The following RBFOX1 variants were observed in gnomAD, a reference collection of about 807,000 sequenced individuals.
RBFOX1 encodes the protein RNA binding protein fox-1 homolog 1.
In RBFOX1, 8 loss-of-function variants were observed where a neutral mutation model predicts 57.7. The observed-to-expected ratio is 0.14, with a 90% CI of 0.08 to 0.25. RBFOX1 has a LOEUF of 0.25. Ranked by LOEUF, RBFOX1 falls within the 10% of genes least tolerant of loss-of-function variation. The pLI is 1.00. For missense variants in RBFOX1, 611 were observed against 548.5 expected, an observed-to-expected ratio of 1.11 and a Z score of -1.14; for synonymous variants, 326 against 222.4, an observed-to-expected ratio of 1.47 and a Z score of -4.15.
At chr16:6,858,174 G>C (rs987826241) in intron 3 of RBFOX1, among the ~76,000 whole-genome samples, 6 of 152,184 alleles carry the variant, frequency 3.9e-5, no homozygotes, top group African/African-American at 1.4e-4. Flanking sequence ...GGAAGAAATA[G>C]CTCACTCATA....
At chr16:6,252,646 A>G (rs1165171562) in intron 1 of RBFOX1, among the ~76,000 whole-genome samples, 1 of 144,112 alleles carries the variant, frequency 6.9e-6, no homozygotes, top group African/African-American at 2.5e-5. Context: ...TTTTTGGTAA[A>G]CTTCCATTCA....
rs2096345386 is a variant in RBFOX1 at position 7,312,741 on chromosome 16, G to A, written c.28-205406G>A. Among the ~76,000 whole-genome samples, 7 of 152,212 alleles carry A rather than the reference G, an allele frequency of 4.6e-5. No individual in the cohort carries two copies. In the South Asian group the frequency reaches 1.4e-3, roughly 32 times the overall value. ...GCGAAGTTATTTACTTTCAAAAGCT[G>A]ACAGAATCACACTGCAGGGCCTTCA... On this transcript the variant is annotated intron_variant, in intron 4 of 15. Coordinates refer to ENST00000550418, the MANE Select transcript of RBFOX1 (RefSeq NM_018723.4).
At chr16:5,430,103 T>G (rs1036466230) in intron 1 of RBFOX1, among the ~76,000 whole-genome samples, 2 of 152,200 alleles carry the variant, frequency 1.3e-5, no homozygotes, top group Non-Finnish European at 2.9e-5. Context: ...CTCTGACAAA[T>G]TCTCCACTGA....
intron 4 of RBFOX1, among the ~76,000 whole-genome samples, chr16:7,248,717 A>G (rs1366976555): frequency 6.6e-6 from 1 of 152,202 alleles, no homozygotes; most frequent in Non-Finnish European, 1.5e-5. Context: ...CATGTTATTC[A>G]TCATCCAGAG....
intron 2 of RBFOX1, among the ~76,000 whole-genome samples, chr16:6,478,579 C>T (rs952227721): frequency 4.0e-5 from 6 of 150,954 alleles, no homozygotes; most frequent in Non-Finnish European, 7.4e-5. Context: ...AAAGTGTCTT[C>T]GTCATGAAGC....
At position 5,946,160 on chromosome 16, in the gene RBFOX1, G is replaced by C. The variant is rs2059396016; in HGVS notation, c.351+78825G>C. Among the ~76,000 whole-genome samples, 1 of 152,198 alleles carries C rather than the reference G, an allele frequency of 6.6e-6. No homozygotes were observed. The highest frequency in any genetic ancestry group is 2.4e-5 in the African/African-American group (1 of 41,444). Reference sequence around the variant, plus strand: ...CCACCACTCCTGTCCTAACATGGCAGGATGTGATGGAAAGTGCACAGACGG... The same window carrying C: ...CCACCACTCCTGTCCTAACATGGCACGATGTGATGGAAAGTGCACAGACGG... On this transcript the variant is annotated intron_variant, in intron 4 of 19. Coordinates refer to the RBFOX1 transcript ENST00000641259. This position sits in a 1 kb window ranked among gnomAD's most constrained non-coding sequence, Gnocchi z 4.6.
chr16:6,634,593 T>C (rs980107595), intron 2 of RBFOX1, among the ~76,000 whole-genome samples: 1 of 147,318 alleles, frequency 6.8e-6, no homozygotes, highest in Non-Finnish European at 1.5e-5. Flanking sequence ...AAATATATAA[T>C]ATTAATCTAT....
In RBFOX1 at chr16:7,590,685, C is replaced by T. The variant is rs1040814676; in HGVS notation, c.468+3385C>T. Among the ~76,000 whole-genome samples, 2 of 151,990 alleles carry T rather than the reference C, an allele frequency of 1.3e-5. 1 individual carries two copies. Among genetic ancestry groups the T allele is most frequent in the South Asian group, 4.2e-4 (2 of 4,812 alleles). On this transcript the variant is annotated intron_variant, in intron 7 of 15. Coordinates refer to ENST00000550418, the MANE Select transcript of RBFOX1 (RefSeq NM_018723.4). ...GACCAGCCTGACCAACATGGAGAAA[C>T]CTTGTCTTGACTAAAAATACAAAAT...
chr16:6,235,590 G>C (rs921429909), intron 1 of RBFOX1, among the ~76,000 whole-genome samples: 3 of 107,796 alleles, frequency 2.8e-5, no homozygotes, highest in African/African-American at 9.0e-5. Flanking sequence ...GTGTGTGTGT[G>C]TGTGTATACA....
At position 6,929,972 on chromosome 16, in the gene RBFOX1, G is replaced by T. The variant is rs1039609324; in HGVS notation, c.-15-122085G>T. 2.0e-5 allele frequency among the ~76,000 whole-genome samples: 3 copies of T among 152,102 alleles called. No homozygotes were observed. In the East Asian group the frequency reaches 5.8e-4, roughly 29 times the overall value. On this transcript the variant is annotated intron_variant, in intron 3 of 15. Coordinates refer to ENST00000550418, the MANE Select transcript of RBFOX1 (RefSeq NM_018723.4). ...AGTTCGTCAGGAATCAGAATGACTG[G>T]CAAACCTGTCCAGGAAGTAATAGGA...
intron 2 of RBFOX1, among the ~76,000 whole-genome samples, chr16:5,578,054 C>T (rs1411822729): frequency 2.0e-5 from 3 of 152,178 alleles, no homozygotes; most frequent in African/African-American, 4.8e-5. Context: ...CAGGTTCAAG[C>T]GGTTCTCCTG....
At chr16:6,647,536 C>G (rs2098543678) in intron 2 of RBFOX1, among the ~76,000 whole-genome samples, 1 of 152,150 alleles carries the variant, frequency 6.6e-6, no homozygotes, top group Admixed American at 6.5e-5. Flanking sequence ...GCGTGAGCCA[C>G]CACACCCAGC....
At chr16:7,182,667 C>T (rs554428072) in intron 4 of RBFOX1, among the ~76,000 whole-genome samples, 4 of 152,250 alleles carry the variant, frequency 2.6e-5, no homozygotes, top group Admixed American at 2.0e-4. Flanking sequence ...GGAGGAAGAG[C>T]GGCAGGAAGT....
chr16:7,087,807 C>A (rs936038859), intron 4 of RBFOX1, among the ~76,000 whole-genome samples: 4 of 152,122 alleles, frequency 2.6e-5, no homozygotes, highest in African/African-American at 9.7e-5. Context: ...AAGGAGACTT[C>A]TGTTTGCTGA....
intron 4 of RBFOX1, among the ~76,000 whole-genome samples, chr16:7,103,510 G>T (rs1458528799): frequency 2.0e-5 from 3 of 152,096 alleles, no homozygotes; most frequent in African/African-American, 7.2e-5. Flanking sequence ...CAATGTATTG[G>T]TATGTTAAGA....
intron 1 of RBFOX1, among the ~76,000 whole-genome samples, chr16:6,065,942 G>C (rs1037647874): frequency 6.6e-6 from 1 of 152,166 alleles, no homozygotes; most frequent in Admixed American, 6.5e-5. Context: ...TCCTAGTCTT[G>C]ATAATTTGGA....
At chr16:6,978,459 C>G (rs2087724710) in intron 3 of RBFOX1, among the ~76,000 whole-genome samples, 1 of 152,148 alleles carries the variant, frequency 6.6e-6, no homozygotes. Flanking sequence ...TGCATATTTA[C>G]TTATTACGTT....
intron 3 of RBFOX1, among the ~76,000 whole-genome samples, chr16:6,828,082 G>T (rs559398777): frequency 1.3e-5 from 2 of 152,160 alleles, no homozygotes; most frequent in South Asian, 4.1e-4. Flanking sequence ...GATGCATGCA[G>T]TTATGAAGAA....
intron 2 of RBFOX1, among the ~76,000 whole-genome samples, chr16:6,518,229 T>G (rs2096418861): frequency 6.6e-6 from 1 of 152,208 alleles, no homozygotes; most frequent in South Asian, 2.1e-4. Flanking sequence ...GAGGGTTGTC[T>G]GGGCCAAACA....
Sources: gnomAD v4.1 joint callset for allele counts (sites outside exome capture counted in the v4.1 genomes callset) on GRCh38, gnomAD v4.1.1 for gene constraint, Gnocchi (gnomAD v3.1) non-coding constraint, MANE v1.5 for transcripts, NCBI Gene and HGNC (gene_info 2026-07-23, HGNC 2026-07-21) for gene names.